The following MCUB variants were observed in gnomAD, a reference collection of about 807,000 sequenced individuals.
The protein encoded by MCUB is calcium uniporter regulatory subunit MCUb, mitochondrial.
A neutral mutation model predicts 41.4 loss-of-function variants in MCUB; 46 were observed. That is an observed-to-expected ratio of 1.11 (90% CI 0.88 to 1.42). The LOEUF (loss-of-function observed/expected upper bound fraction) is 1.42. MCUB is among the 40% of genes most tolerant of loss of function. MCUB has a pLI of 0.00. For missense variants in MCUB, 403 were observed against 404.9 expected, an observed-to-expected ratio of 1.00 and a Z score of 0.04; for synonymous variants, 148 against 148.2, an observed-to-expected ratio of 1.00 and a Z score of 0.01.
intron 1 of MCUB, among the ~76,000 whole-genome samples, chr4:109,614,022 G>A (rs1267701346): frequency 6.6e-6 from 1 of 152,094 alleles, no homozygotes; most frequent in African/African-American, 2.4e-5. Flanking sequence ...TCATGTGTAG[G>A]TTCATGTATC....
At chr4:109,618,015 C>G (rs1424932333) in intron 1 of MCUB, among the ~76,000 whole-genome samples, 1 of 152,114 alleles carries the variant, frequency 6.6e-6, no homozygotes, top group African/African-American at 2.4e-5. Context: ...TTTTTGCCCA[C>G]CTCTGATTTC....
In MCUB at chr4:109,688,615, A is replaced by T. The variant is rs1356990768; in HGVS notation, c.*1023A>T. 1 of 152,242 alleles carries T rather than the reference A, an allele frequency of 6.6e-6. No individual in the cohort carries two copies. Among genetic ancestry groups the T allele is most frequent in the Non-Finnish European group, 1.5e-5 (1 of 68,048 alleles). The allele number at this position is 152,242 out of a possible 1,614,324, so 9.4% of individuals were successfully genotyped here. A position where few individuals can be genotyped will look rare whatever the true frequency, so the allele number is the denominator to read the frequency against. ...ATGAACAAGAATGTGAGTTAGAAAAATGTAATAAAATATGAATTTCGAATA... is the reference window on the plus strand; with the variant it reads ...ATGAACAAGAATGTGAGTTAGAAAATTGTAATAAAATATGAATTTCGAATA... On this transcript the variant is annotated 3_prime_UTR_variant, in exon 8 of 8. Transcript: ENST00000394650.
chr4:109,634,439 C>T (rs1384949855), intron 1 of MCUB, among the ~76,000 whole-genome samples: 5 of 148,340 alleles, frequency 3.4e-5, no homozygotes, highest in East Asian at 2.0e-4. Flanking sequence ...GCTGAGATTG[C>T]GCCACTGCAC....
intron 1 of MCUB, among the ~76,000 whole-genome samples, chr4:109,614,128 G>T (rs1002974118): frequency 6.6e-6 from 1 of 152,126 alleles, no homozygotes; most frequent in Non-Finnish European, 1.5e-5. Flanking sequence ...AATAATACTG[G>T]TTCATAATGC....
At chr4:109,611,987 A>T (rs1276522830) in intron 1 of MCUB, among the ~76,000 whole-genome samples, 1 of 152,234 alleles carries the variant, frequency 6.6e-6, no homozygotes, top group Non-Finnish European at 1.5e-5. Flanking sequence ...TAACTCATTT[A>T]AAACAGACTG....
intron 4 of MCUB, among the ~76,000 whole-genome samples, chr4:109,666,710 T>C (rs1344499136): frequency 6.6e-6 from 1 of 152,194 alleles, no homozygotes; most frequent in Non-Finnish European, 1.5e-5. Context: ...TTGCAAATAT[T>C]TTCTCCCAGG....
chr4:109,579,757 T>C (rs1204498051), intron 1 of MCUB, among the ~76,000 whole-genome samples: 5 of 152,222 alleles, frequency 3.3e-5, no homozygotes, highest in East Asian at 1.9e-4. Context: ...CTGTGTGTTA[T>C]TGCCAACTTT....
chr4:109,670,817 C>A (rs1179182629), intron 4 of MCUB, among the ~76,000 whole-genome samples: 2 of 151,808 alleles, frequency 1.3e-5, no homozygotes, highest in Non-Finnish European at 2.9e-5. Flanking sequence ...GGAGATTTTT[C>A]TTCAGTTTTC....
chr4:109,605,154 T>TC (rs1362841628), intron 1 of MCUB, among the ~76,000 whole-genome samples: 3 of 152,034 alleles, frequency 2.0e-5, no homozygotes, highest in Non-Finnish European at 4.4e-5. Context: ...GTCTTGGGCT[T>TC]TTTTTTTCCT....
At chr4:109,625,266 A>C (rs767511460) in intron 1 of MCUB, among the ~76,000 whole-genome samples, 8 of 152,232 alleles carry the variant, frequency 5.3e-5, no homozygotes, top group Non-Finnish European at 1.0e-4. Context: ...CTCAGGCCTC[A>C]TCAGAAGAGA....
intron 1 of MCUB, among the ~76,000 whole-genome samples, chr4:109,649,631 C>T (rs551473875): frequency 3.3e-5 from 5 of 151,020 alleles, no homozygotes; most frequent in African/African-American, 1.2e-4. Context: ...TAGGCAATCT[C>T]TTTTTTTTTC....
chr4:109,620,076 C>T (rs6810719), intron 1 of MCUB, among the ~76,000 whole-genome samples: 76,422 of 151,952 alleles, frequency 0.5, 20,002 homozygotes, highest in South Asian at 0.64. Context: ...AGGCATCAGC[C>T]GGATATCCCT....
At chr4:109,595,705 G>A (rs1217008496) in intron 1 of MCUB, among the ~76,000 whole-genome samples, 4 of 152,286 alleles carry the variant, frequency 2.6e-5, no homozygotes, top group Non-Finnish European at 4.4e-5. Flanking sequence ...GAATAGCATT[G>A]TTTTGGTATG....
chr4:109,630,695 T>C (rs1340975278), intron 1 of MCUB, among the ~76,000 whole-genome samples: 1 of 152,152 alleles, frequency 6.6e-6, no homozygotes, highest in East Asian at 1.9e-4. Flanking sequence ...AATTCTCCTG[T>C]CTGAGCCTCC....
At chr4:109,671,074 T>G (rs1462769757) in intron 4 of MCUB, among the ~76,000 whole-genome samples, 2 of 152,218 alleles carry the variant, frequency 1.3e-5, no homozygotes, top group Non-Finnish European at 2.9e-5. Flanking sequence ...CGACAGCAAT[T>G]TTCCCTCTAA....
At chr4:109,660,468 A>G (rs762536150) in intron 3 of MCUB, 103 bp downstream of exon 3, 3 of 574,316 alleles carry the variant, frequency 5.2e-6, no homozygotes, top group Admixed American at 7.1e-5. Flanking sequence ...TTAATTCATT[A>G]GATAATAAAT....
chr4:109,626,393 T>G (rs2126136731), intron 1 of MCUB, among the ~76,000 whole-genome samples: 1 of 152,306 alleles, frequency 6.6e-6, no homozygotes, highest in Admixed American at 6.5e-5. Flanking sequence ...AATTTAATAT[T>G]CAGAAATCAT....
chr4:109,644,139 T>C (rs1728781978), intron 1 of MCUB, among the ~76,000 whole-genome samples: 1 of 152,196 alleles, frequency 6.6e-6, no homozygotes, highest in African/African-American at 2.4e-5. Context: ...AGAAAAGTTA[T>C]AGTTAAATAT....
At chr4:109,572,647 T>G (rs1255078655) in intron 1 of MCUB, among the ~76,000 whole-genome samples, 1 of 151,792 alleles carries the variant, frequency 6.6e-6, no homozygotes, top group African/African-American at 2.4e-5. Flanking sequence ...ATAACTATAT[T>G]AGCATGACTT....
Sources: allele counts gnomAD v4.1 joint callset (sites outside exome capture counted in the v4.1 genomes callset), GRCh38; gene constraint gnomAD v4.1.1; transcripts MANE v1.5; gene names NCBI Gene and HGNC (gene_info 2026-07-23, HGNC 2026-07-21).